Variants in NPHP1 observed in about 807,000 individuals in gnomAD.
NPHP1 encodes nephrocystin 1, also known as nephrocystin-1.
Under a neutral mutation model 90.4 loss-of-function variants are expected in NPHP1, and 70 were observed. The ratio of observed to expected loss-of-function variants is 0.77; its 90% CI spans 0.64 to 0.95. NPHP1 has a LOEUF of 0.95. Ranked by LOEUF, NPHP1 falls within the 40% of genes least tolerant of loss-of-function variation. NPHP1 has a pLI of 0.00. For synonymous variants in NPHP1, 256 were observed against 271.7 expected, an observed-to-expected ratio of 0.94 and a Z score of 0.57; for missense variants, 764 against 795.9, an observed-to-expected ratio of 0.96 and a Z score of 0.48.
chr2:110,179,196 T>G (rs1162606982), intron 3 of NPHP1, among the ~76,000 whole-genome samples: 1 of 151,782 alleles, frequency 6.6e-6, no homozygotes, highest in Non-Finnish European at 1.5e-5. Context: ...TAAATTCCTG[T>G]TCCTCTTGTT....
intron 6 of NPHP1, among the ~76,000 whole-genome samples, chr2:110,168,160 T>C (rs970956978): frequency 1.3e-5 from 2 of 152,220 alleles, no homozygotes; most frequent in African/African-American, 4.8e-5. Flanking sequence ...ACTGCAGTTA[T>C]GTTTTACAAT....
chr2:110,134,507 T>C (rs1232334238), intron 16 of NPHP1, among the ~76,000 whole-genome samples: 2 of 131,658 alleles, frequency 1.5e-5, no homozygotes, highest in Non-Finnish European at 3.3e-5. Flanking sequence ...ATTACCCTAG[T>C]AAAAAAGCCA....
chr2:110,194,251 A>C (rs1183700763), intron 2 of NPHP1, among the ~76,000 whole-genome samples: 1 of 152,010 alleles, frequency 6.6e-6, no homozygotes. Flanking sequence ...AAAATTGATA[A>C]ACCGCTAGCA....
chr2:110,174,842 T>A (rs1471177823), intron 4 of NPHP1, among the ~76,000 whole-genome samples: 2 of 151,672 alleles, frequency 1.3e-5, no homozygotes, highest in African/African-American at 4.8e-5. Context: ...GGTGATTTTG[T>A]TGTTTAAAAT....
At chr2:110,160,018 G>T in intron 11 of NPHP1, 109 bp downstream of exon 11, 2 of 1,214,246 alleles carry the variant, frequency 1.6e-6, no homozygotes, top group African/African-American at 1.5e-5. Flanking sequence ...TTTGGTACTA[G>T]GTAAAAAATA....
At chr2:110,193,818 A>C (rs11240793) in intron 2 of NPHP1, among the ~76,000 whole-genome samples, 148,330 of 152,228 alleles carry the variant, frequency 0.97, 72,376 homozygotes, top group Middle Eastern at 1. Flanking sequence ...TCTCAGACCA[A>C]AGTGCAATCA....
chr2:110,183,193 C>A (rs1303981888), intron 2 of NPHP1, among the ~76,000 whole-genome samples: 1 of 152,168 alleles, frequency 6.6e-6, no homozygotes, highest in East Asian at 1.9e-4. Flanking sequence ...TAAACAAAAT[C>A]TCTGCAGCAC....
chr2:110,144,387 G>A (rs1680863816), intron 15 of NPHP1, 106 bp downstream of exon 15: 2 of 722,830 alleles, frequency 2.8e-6, no homozygotes, highest in Non-Finnish European at 4.9e-6. Context: ...TTTTAAAAGT[G>A]TGAATTCAAG....
At chr2:110,127,700 G>C (rs958929137) in intron 18 of NPHP1, 1 of 152,102 alleles carries the variant, frequency 6.6e-6, no homozygotes, top group Non-Finnish European at 1.5e-5. Context: ...GACAGCCCCG[G>C]CTGGGTCATG....
intron 11 of NPHP1, among the ~76,000 whole-genome samples, chr2:110,151,168 G>GA (rs35894521): frequency 0.57 from 65,912 of 116,276 alleles, 19,241 homozygotes; most frequent in Non-Finnish European, 0.67. Context: ...TCAGTCTCAA[G>GA]AAAAAAAAAA....
rs202096821 is a variant in NPHP1 at position 110,197,107 on chromosome 2, C to A, written c.143+4314G>T. On this transcript the variant is annotated intron_variant, in intron 2 of 19. Transcript: ENST00000445609. ...GAACACATGGACACAAGGAGGGTAA[C>A]AACATACACTGGGGCCTGTAGGAAG... is the stretch of plus-strand genomic sequence containing the variant. Among the ~76,000 whole-genome samples the A allele has an allele frequency of 6.6e-5, 10 of 152,048 alleles. No individual in the cohort carries two copies. The East Asian group carries it at 1.7e-3, about 26-fold the overall frequency.
At chr2:110,185,272 G>A in intron 2 of NPHP1, 1 of 463,086 alleles carries the variant, frequency 2.2e-6, no homozygotes, top group South Asian at 1.7e-5. Context: ...AATTGCCTGT[G>A]TGTGTGAGTG....
intron 18 of NPHP1, chr2:110,128,161 A>G (rs1679505299): frequency 6.6e-6 from 1 of 152,054 alleles, no homozygotes; most frequent in South Asian, 2.1e-4. Flanking sequence ...TCTAATAAGA[A>G]TCTTTGTAGA....
intron 2 of NPHP1, among the ~76,000 whole-genome samples, chr2:110,180,901 A>T (rs572307452): frequency 3.9e-5 from 6 of 152,196 alleles, no homozygotes; most frequent in Non-Finnish European, 8.8e-5. Flanking sequence ...TCAGCAGAGC[A>T]GCTGCTCAGG....
At chr2:110,193,024 A>T (rs1438812805) in intron 2 of NPHP1, among the ~76,000 whole-genome samples, 1 of 152,180 alleles carries the variant, frequency 6.6e-6, no homozygotes, top group East Asian at 1.9e-4. Context: ...CATGGAAAGG[A>T]ACAACTGGTA....
At chr2:110,141,366 T>C (rs1290885238) in intron 16 of NPHP1, among the ~76,000 whole-genome samples, 1 of 152,160 alleles carries the variant, frequency 6.6e-6, no homozygotes, top group Non-Finnish European at 1.5e-5. Context: ...TAAACCTCAT[T>C]ACACCTTTAT....
intron 16 of NPHP1, among the ~76,000 whole-genome samples, chr2:110,133,779 A>AC (rs34458851): frequency 0.39 from 58,813 of 151,826 alleles, 12,150 homozygotes; most frequent in East Asian, 0.58. Flanking sequence ...TACTTAAACA[A>AC]CAATGGCTCA....
chr2:110,197,045 C>T lies in NPHP1; in HGVS notation c.143+4376G>A, dbSNP rs1032962828. ...AATGCAGGAACAGAAAACCAAACTC[C>T]GCATGTTCTCACTTATAAGTGGGAG... On this transcript the variant is annotated intron_variant, in intron 2 of 19. Coordinates refer to ENST00000445609, the MANE Select transcript of NPHP1 (RefSeq NM_001128178.3). 3.3e-5 allele frequency among the ~76,000 whole-genome samples: 5 copies of T among 152,104 alleles called. 1 individual carries two copies. The highest frequency in any genetic ancestry group is 6.3e-3 in the Middle Eastern group (2 of 316).
intron 16 of NPHP1, among the ~76,000 whole-genome samples, chr2:110,141,796 C>A (rs184665169): frequency 6.6e-6 from 1 of 151,802 alleles, no homozygotes; most frequent in East Asian, 1.9e-4. Flanking sequence ...CATGGTGAAA[C>A]CCTGTCTCTA....
Sources: allele counts gnomAD v4.1 joint callset (sites outside exome capture counted in the v4.1 genomes callset), GRCh38; gene constraint gnomAD v4.1.1; transcripts MANE v1.5; gene names NCBI Gene and HGNC (gene_info 2026-07-23, HGNC 2026-07-21).